SLC25A48: variants seen among roughly 807,000 people sequenced by gnomAD.
The protein encoded by SLC25A48 is solute carrier family 25 member 48, also known as CTC-321K16.1.
A neutral mutation model predicts 32.2 loss-of-function variants in SLC25A48; 29 were observed. That is an observed-to-expected ratio of 0.90 (90% confidence interval 0.67 to 1.23). The LOEUF is 1.23. Ranked by LOEUF, SLC25A48 falls within the 50% of genes most tolerant of loss-of-function variation. The probability of loss-of-function intolerance (pLI) is 0.00; values close to 1 mark genes in which losing one functional copy is unlikely to be tolerated. For synonymous variants in SLC25A48, 164 were observed against 172.3 expected, an observed-to-expected ratio of 0.95 and a Z score of 0.38; for missense variants, 399 against 422.7, an observed-to-expected ratio of 0.94 and a Z score of 0.49.
intron 3 of SLC25A48, among the ~76,000 whole-genome samples, chr5:135,777,461 C>T (rs79328403): frequency 6.6e-6 from 1 of 151,276 alleles, no homozygotes; most frequent in Non-Finnish European, 1.5e-5. Flanking sequence ...GTGTACATCC[C>T]CCCTGTGATA....
intron 1 of SLC25A48, among the ~76,000 whole-genome samples, chr5:135,842,052 CTA>C (rs1759047157): frequency 6.6e-6 from 1 of 152,036 alleles, no homozygotes; most frequent in South Asian, 2.1e-4. Context: ...AGATTTTTTT[CTA>C]TGTTTTAGTT....
At chr5:135,754,031 G>A (rs1755835004) in intron 3 of SLC25A48, among the ~76,000 whole-genome samples, 1 of 151,752 alleles carries the variant, frequency 6.6e-6, no homozygotes, top group Non-Finnish European at 1.5e-5. Flanking sequence ...TACACCAGCA[G>A]CCATATTTTG....
At chr5:135,859,735 G>T (rs1760630281) in intron 4 of SLC25A48, among the ~76,000 whole-genome samples, 6 of 152,214 alleles carry the variant, frequency 3.9e-5, no homozygotes, top group Admixed American at 3.3e-4. Context: ...TGTTGCTTCT[G>T]GGTGAGGCCA....
At chr5:135,618,961 T>A (rs1752255094) in intron 1 of SLC25A48, among the ~76,000 whole-genome samples, 1 of 151,968 alleles carries the variant, frequency 6.6e-6, no homozygotes, top group African/African-American at 2.4e-5. Context: ...CACTAAAATA[T>A]GCCATGGTAA....
Position 135,888,428 on chromosome 5 carries a change from G to A in SLC25A48, c.*404G>A, listed in dbSNP as rs1762810816. ...CACTCCCTCCAGTCTCAAGTAACAC[G>A]TCCCCGTGCCTCCAGTCTCCTCTCA... On this transcript the variant is annotated 3_prime_UTR_variant, in exon 8 of 8. Transcript: ENST00000681962. 4.3e-6 allele frequency: 1 copy of A among 233,600 alleles called. No individual in the cohort carries two copies. Among genetic ancestry groups the A allele is most frequent in the South Asian group, 1.1e-4 (1 of 9,362 alleles). 14.5% of individuals were successfully genotyped at this position (233,600 alleles called of 1,614,324 possible).
At chr5:135,682,483 T>C (rs1045318988) in intron 3 of SLC25A48, among the ~76,000 whole-genome samples, 19 of 152,246 alleles carry the variant, frequency 1.2e-4, no homozygotes, top group African/African-American at 4.6e-4. Flanking sequence ...TAAATATATA[T>C]GTGTGTGCAT....
chr5:135,761,126 C>A (rs1051198414), intron 3 of SLC25A48, among the ~76,000 whole-genome samples: 2 of 151,664 alleles, frequency 1.3e-5, no homozygotes, highest in African/African-American at 4.9e-5. Flanking sequence ...CATGGTGAGA[C>A]CCCCCCATCT....
At chr5:135,657,918 C>G (rs1753294033) in intron 3 of SLC25A48, among the ~76,000 whole-genome samples, 1 of 152,138 alleles carries the variant, frequency 6.6e-6, no homozygotes, top group South Asian at 2.1e-4. Context: ...GGAAATCTGC[C>G]CCTATAATCT....
In SLC25A48 at chr5:135,888,510, C is replaced by T. The variant is rs942423621; in HGVS notation, c.*486C>T. The T allele has an allele frequency of 5.3e-5, 9 of 169,812 alleles. No individual in the cohort carries two copies. The highest frequency in any genetic ancestry group is 4.5e-4 in the East Asian group (3 of 6,614). 10.5% of individuals were successfully genotyped at this position (169,812 alleles called of 1,614,324 possible). ...CCGTGGATCCTGAGGACAGCGGTAG[C>T]GCCTTCCTCACCGCACGCTGAGTCC... is the stretch of plus-strand genomic sequence containing the variant. On this transcript the variant is annotated 3_prime_UTR_variant, in exon 8 of 8. Transcript: ENST00000681962.
chr5:135,784,590 C>A (rs750372989), intron 3 of SLC25A48, among the ~76,000 whole-genome samples: 1 of 117,938 alleles, frequency 8.5e-6, no homozygotes, highest in African/African-American at 2.6e-5. Flanking sequence ...TTGTTTCTAA[C>A]ATCCAGAGAA....
intron 1 of SLC25A48, among the ~76,000 whole-genome samples, chr5:135,627,640 C>G (rs1752467644): frequency 6.6e-6 from 1 of 152,212 alleles, no homozygotes; most frequent in Non-Finnish European, 1.5e-5. Flanking sequence ...CCCTCTTCCT[C>G]ATCTCTCCTC....
At chr5:135,628,642 T>A (rs1291199642) in intron 1 of SLC25A48, among the ~76,000 whole-genome samples, 3 of 152,126 alleles carry the variant, frequency 2.0e-5, no homozygotes, top group Non-Finnish European at 4.4e-5. Flanking sequence ...GATGGCAGTG[T>A]CTTCAGCAGT....
At position 135,846,388 on chromosome 5, in the gene SLC25A48, A is replaced by C. The variant is rs1759422560; in HGVS notation, c.90+3929A>C. The stretch of plus-strand genomic sequence containing the variant: ...CCAGTGGGGGTTCTTGTTTTGCTTC[A>C]ACATGCTCCCCACAATTCTAGGCTG... On this transcript the variant is annotated intron_variant, in intron 2 of 7. Coordinates refer to ENST00000681962, the MANE Select transcript of SLC25A48 (RefSeq NM_001349336.2). 2.6e-5 allele frequency among the ~76,000 whole-genome samples: 4 copies of C among 152,226 alleles called. No individual in the cohort carries two copies. In the South Asian group the frequency reaches 8.3e-4, roughly 32 times the overall value.
intron 3 of SLC25A48, among the ~76,000 whole-genome samples, chr5:135,802,215 A>G (rs1266429752): frequency 1.3e-5 from 2 of 151,726 alleles, no homozygotes; most frequent in Non-Finnish European, 2.9e-5. Flanking sequence ...TATCATAGGG[A>G]GATATTTCTC....
chr5:135,602,031 C>G (rs1751809324), intron 1 of SLC25A48, among the ~76,000 whole-genome samples: 1 of 152,208 alleles, frequency 6.6e-6, no homozygotes, highest in Non-Finnish European at 1.5e-5. Context: ...ATTAGTGCAC[C>G]TGTCTCTGGC....
At chr5:135,652,909 C>T (rs1171836655) in intron 3 of SLC25A48, among the ~76,000 whole-genome samples, 2 of 152,174 alleles carry the variant, frequency 1.3e-5, no homozygotes, top group Admixed American at 6.5e-5. Context: ...ATCTCCAATG[C>T]AACAGTGTTG....
At chr5:135,669,050 G>A (rs566053679) in intron 3 of SLC25A48, among the ~76,000 whole-genome samples, 5 of 152,282 alleles carry the variant, frequency 3.3e-5, no homozygotes, top group South Asian at 2.1e-4. Context: ...CTCAGGATAT[G>A]CTAGGCACAG....
At chr5:135,810,477 C>A (rs1757567460) in intron 3 of SLC25A48, among the ~76,000 whole-genome samples, 2 of 152,198 alleles carry the variant, frequency 1.3e-5, no homozygotes, top group Admixed American at 6.5e-5. Context: ...GTTGAGGCTG[C>A]AGCTGCCTGA....
At chr5:135,591,831 C>G (rs760299063) in intron 1 of SLC25A48, among the ~76,000 whole-genome samples, 8 of 152,176 alleles carry the variant, frequency 5.3e-5, no homozygotes, top group African/African-American at 7.2e-5. Flanking sequence ...TACCTTTTCT[C>G]CTTTTAGTCT....
Sources: gnomAD v4.1 joint callset for allele counts (sites outside exome capture counted in the v4.1 genomes callset) on GRCh38, gnomAD v4.1.1 for gene constraint, MANE v1.5 for transcripts, NCBI Gene and HGNC (gene_info 2026-07-23, HGNC 2026-07-21) for gene names.